The following TTC7B variants were observed in gnomAD, a reference collection of about 807,000 sequenced individuals.
TTC7B encodes the protein tetratricopeptide repeat protein 7B.
A neutral mutation model predicts 106.8 loss-of-function variants in TTC7B; 28 were observed. That is an observed-to-expected ratio of 0.26 (90% CI 0.19 to 0.36). TTC7B has a LOEUF of 0.36. TTC7B is among the 10% of genes least tolerant of loss of function. The probability of loss-of-function intolerance (pLI) is 1.00; values close to 1 mark genes in which losing one functional copy is unlikely to be tolerated. For missense variants in TTC7B, 862 were observed against 1,076.4 expected, an observed-to-expected ratio of 0.80 and a Z score of 2.79; for synonymous variants, 405 against 430.6, an observed-to-expected ratio of 0.94 and a Z score of 0.74.
chr14:90,530,288 CT>C lies in TTC7B; in HGVS notation c.*11079del, dbSNP rs1889253682. On this transcript the variant is annotated 3_prime_UTR_variant, in exon 20 of 20. Coordinates refer to ENST00000328459, the MANE Select transcript of TTC7B (RefSeq NM_001010854.2). ...ATCCCAAAAAACAAAAAAATCTATA[CT>C]CATGGGAGAATGCTGCAAGACAACA... The C allele has an allele frequency of 6.6e-6, 1 of 152,118 alleles. No homozygotes were observed. The highest frequency in any genetic ancestry group is 2.4e-5 in the African/African-American group (1 of 41,440). The allele number at this position is 152,118 out of a possible 1,614,324, so 9.4% of individuals were successfully genotyped here. A position where few individuals can be genotyped will look rare whatever the true frequency, so the allele number is the denominator to read the frequency against.
At chr14:90,766,446 G>A in intron 3 of TTC7B, 2 of 612,252 alleles carry the variant, frequency 3.3e-6, no homozygotes, top group East Asian at 5.3e-5. Flanking sequence ...AAATTGAAAT[G>A]TCAAAAAGGA....
chr14:90,617,778 G>A, intron 16 of TTC7B, 151 bp downstream of exon 16: 1 of 636,258 alleles, frequency 1.6e-6, no homozygotes. Context: ...CATGGAGTGT[G>A]AAGCTCCACT....
chr14:90,676,237 G>GGAAATTAACT (rs5810517), intron 9 of TTC7B: 287,178 of 291,890 alleles, frequency 0.98, 141,457 homozygotes, highest in East Asian at 1. Flanking sequence ...TTCAGTTGGT[G>GGAAATTAACT]GAAAGAGAAA....
intron 2 of TTC7B, among the ~76,000 whole-genome samples, chr14:90,784,580 G>T (rs1024317110): frequency 6.6e-6 from 1 of 152,046 alleles, no homozygotes; most frequent in East Asian, 1.9e-4. Flanking sequence ...CATATGAGAT[G>T]GATGAGATGG....
rs933365090 is a variant in TTC7B, at chr14:90,786,110, G to A, written c.276+64C>T. The A allele has an allele frequency of 4.1e-6, 6 of 1,460,936 alleles. No homozygotes were observed. The African/African-American group carries it at 8.8e-5, about 21-fold the overall frequency. 90.5% of individuals were successfully genotyped at this position (1,460,936 alleles called of 1,614,324 possible). ...CCAAACGTCACCCGGCTCAACCCTG[G>A]GCACCCTTCTCAACCCCACACTGTC... On this transcript the variant is annotated intron_variant, in intron 2 of 19. Transcript: ENST00000328459.
At chr14:90,591,232 T>C (rs1055512861) in intron 18 of TTC7B, among the ~76,000 whole-genome samples, 2 of 152,078 alleles carry the variant, frequency 1.3e-5, no homozygotes, top group African/African-American at 2.4e-5. Context: ...TCCCAGCTAT[T>C]TGGGAGGCTG....
Position 90,539,431 on chromosome 14 carries a change from A to C in TTC7B, c.*1937T>G, listed in dbSNP as rs1889503345. 1 of 152,414 alleles carries C rather than the reference A, an allele frequency of 6.6e-6. No individual in the cohort carries two copies. The highest frequency in any genetic ancestry group is 2.4e-5 in the African/African-American group (1 of 41,478). The allele number at this position is 152,414 out of a possible 1,614,324, so 9.4% of individuals were successfully genotyped here. The stretch of plus-strand genomic sequence containing the variant: ...CAGCCCTGTGCCTCCAATCAGGGCA[A>C]GCTGCCACCACACTGAGTACCTGCC... On this transcript the variant is annotated 3_prime_UTR_variant, in exon 20 of 20. Transcript: ENST00000328459.
intron 3 of TTC7B, among the ~76,000 whole-genome samples, chr14:90,771,287 T>C (rs1890855003): frequency 6.6e-6 from 1 of 152,158 alleles, no homozygotes; most frequent in Non-Finnish European, 1.5e-5. Context: ...AGATGTTTCA[T>C]GGGCAGCTAT....
chr14:90,719,826 T>C (rs78991169), intron 5 of TTC7B, among the ~76,000 whole-genome samples: 1,601 of 152,312 alleles, frequency 0.011, 28 homozygotes, highest in African/African-American at 0.037. Flanking sequence ...GTGTATTTGA[T>C]GCCAGTTAAA....
At chr14:90,610,419 G>A (rs1193700127) in intron 17 of TTC7B, among the ~76,000 whole-genome samples, 2 of 152,236 alleles carry the variant, frequency 1.3e-5, no homozygotes, top group Non-Finnish European at 2.9e-5. Context: ...AACCCAAAGA[G>A]AGAGGGAGAC....
chr14:90,570,384 G>A lies in TTC7B; in HGVS notation c.2310+7722C>T, dbSNP rs1890985744. ...TCAAAGCCTCTGCACCAAGGCAGGA[G>A]CCCTGGCTGGAGAGAAACAGCTGGT... On this transcript the variant is annotated intron_variant, in intron 19 of 19. Coordinates refer to ENST00000328459, the MANE Select transcript of TTC7B (RefSeq NM_001010854.2). The surrounding 1 kb of genome is among the most constrained non-coding windows in gnomAD (Gnocchi z 4.0). Among the ~76,000 whole-genome samples, 1 of 152,194 alleles carries A rather than the reference G, an allele frequency of 6.6e-6. No homozygotes were observed. The highest frequency in any genetic ancestry group is 1.9e-4 in the East Asian group (1 of 5,186).
intron 6 of TTC7B, among the ~76,000 whole-genome samples, chr14:90,690,934 C>A (rs1177748733): frequency 6.6e-6 from 1 of 152,108 alleles, no homozygotes; most frequent in Non-Finnish European, 1.5e-5. Context: ...CAAGTAAGAC[C>A]CATTGGCATT....
At chr14:90,664,020 T>C (rs1886309941) in intron 9 of TTC7B, among the ~76,000 whole-genome samples, 1 of 152,076 alleles carries the variant, frequency 6.6e-6, no homozygotes. Context: ...AGGTCAACCA[T>C]ACCTCAACTA....
At chr14:90,687,788 G>A (rs1176326478) in intron 7 of TTC7B, among the ~76,000 whole-genome samples, 2 of 152,164 alleles carry the variant, frequency 1.3e-5, no homozygotes, top group Non-Finnish European at 2.9e-5. Flanking sequence ...CTGTAGAAAA[G>A]GGGGATGAAA....
rs952020565 is a variant in TTC7B at position 90,531,128 on chromosome 14, TA to T, written c.*10239del. 6.6e-6 allele frequency: 1 copy of T among 152,128 alleles called. No individual in the cohort carries two copies. Among genetic ancestry groups the T allele is most frequent in the African/African-American group, 2.4e-5 (1 of 41,430 alleles). 9.4% of individuals were successfully genotyped at this position (152,128 alleles called of 1,614,324 possible). A position where few individuals can be genotyped will look rare whatever the true frequency, so the allele number is the denominator to read the frequency against. On this transcript the variant is annotated 3_prime_UTR_variant, in exon 20 of 20. Coordinates refer to ENST00000328459, the MANE Select transcript of TTC7B (RefSeq NM_001010854.2). ...GAGATTAAAATATATTGTTATAACT[TA>T]AAAAAGAAAGAAAAAATTGTATGCT...
chr14:90,567,633 C>A (rs1254630627), intron 19 of TTC7B: 1 of 152,376 alleles, frequency 6.6e-6, no homozygotes, highest in Non-Finnish European at 1.5e-5. Flanking sequence ...TCCCATTTTA[C>A]AGATAGGAAG....
At chr14:90,693,506 C>A (rs966670625) in intron 6 of TTC7B, among the ~76,000 whole-genome samples, 1 of 152,150 alleles carries the variant, frequency 6.6e-6, no homozygotes, top group Non-Finnish European at 1.5e-5. Flanking sequence ...TAAGCATACA[C>A]CAACCCCTCA....
rs766034875 is a variant in TTC7B at position 90,786,266 on chromosome 14, G to C, written c.184C>G (p.Leu62Val). ...CCTCGGGGACTGGCCCCCTGCCTCA[G>C]GGGGTGTTCCTTCAGGTACTGCTCC... ...KLEQYLKEHP[L>V]RQGASPRGPK... The change falls in exon 2 of 20, where the codon CTG becomes GTG. Residue 62 changes from leucine (L) to valine (V), a missense_variant. Physicochemically the swap from Leu to Val is conservative, Grantham distance 32 (BLOSUM62 1). Coordinates refer to ENST00000328459, the MANE Select transcript of TTC7B (RefSeq NM_001010854.2). 1 of 1,612,986 alleles carries C rather than the reference G, an allele frequency of 6.2e-7. No individual in the cohort carries two copies. Among genetic ancestry groups the C allele is most frequent in the Non-Finnish European group, 8.5e-7 (1 of 1,179,520 alleles).
intron 3 of TTC7B, among the ~76,000 whole-genome samples, chr14:90,765,569 A>G (rs1890648126): frequency 6.6e-6 from 1 of 152,172 alleles, no homozygotes; most frequent in African/African-American, 2.4e-5. Flanking sequence ...CACATAGACA[A>G]CTATTGTACT....
Sources: allele counts gnomAD v4.1 joint callset (sites outside exome capture counted in the v4.1 genomes callset), GRCh38; gene constraint gnomAD v4.1.1; non-coding constraint Gnocchi (gnomAD v3.1); transcripts MANE v1.5; gene names NCBI Gene and HGNC (gene_info 2026-07-23, HGNC 2026-07-21).